RAB3C: variants seen among roughly 807,000 people sequenced by gnomAD.
RAB3C encodes RAB3C, member RAS oncogene family, also known as ras-related protein Rab-3C.
A neutral mutation model predicts 26.4 loss-of-function variants in RAB3C; 17 were observed. That is an observed-to-expected ratio of 0.64 (90% CI 0.44 to 0.97). The LOEUF (loss-of-function observed/expected upper bound fraction) is 0.97. RAB3C is among the 50% of genes least tolerant of loss of function. The probability of loss-of-function intolerance (pLI) is 0.00; values close to 1 mark genes in which losing one functional copy is unlikely to be tolerated. For synonymous variants in RAB3C, 91 were observed against 95.9 expected, an observed-to-expected ratio of 0.95 and a Z score of 0.30; for missense variants, 242 against 281.9, an observed-to-expected ratio of 0.86 and a Z score of 1.01.
chr5:58,728,505 C>T (rs1740935977), intron 3 of RAB3C, among the ~76,000 whole-genome samples: 1 of 152,044 alleles, frequency 6.6e-6, no homozygotes, highest in African/African-American at 2.4e-5. Flanking sequence ...CCACCCTCTA[C>T]AGGTGATCCA....
chr5:58,815,120 AT>A (rs1328910430), intron 3 of RAB3C, among the ~76,000 whole-genome samples: 1 of 152,138 alleles, frequency 6.6e-6, no homozygotes, highest in African/African-American at 2.4e-5. Flanking sequence ...TCCAGGAGAT[AT>A]ATTATTTTCT....
intron 2 of RAB3C, among the ~76,000 whole-genome samples, chr5:58,659,498 G>A (rs1465335540): frequency 2.0e-5 from 3 of 152,018 alleles, no homozygotes. Flanking sequence ...TCACTCATTT[G>A]CCAATGAAAG....
At chr5:58,826,302 A>G (rs957181693) in intron 4 of RAB3C, among the ~76,000 whole-genome samples, 1 of 152,166 alleles carries the variant, frequency 6.6e-6, no homozygotes, top group Non-Finnish European at 1.5e-5. Context: ...AGAATTTGCA[A>G]CTACAAAGGA....
chr5:58,704,374 G>T (rs1374526703), intron 2 of RAB3C, among the ~76,000 whole-genome samples: 1 of 152,252 alleles, frequency 6.6e-6, no homozygotes, highest in Non-Finnish European at 1.5e-5. Flanking sequence ...TTGCCTGCTG[G>T]TGTACTCAGA....
intron 2 of RAB3C, among the ~76,000 whole-genome samples, chr5:58,701,588 G>C (rs1000117973): frequency 6.6e-6 from 1 of 152,036 alleles, no homozygotes; most frequent in African/African-American, 2.4e-5. Context: ...TTATCTTACA[G>C]TTCTGGAAGT....
intron 3 of RAB3C, among the ~76,000 whole-genome samples, chr5:58,755,346 T>C (rs1435491286): frequency 3.3e-5 from 5 of 152,228 alleles, no homozygotes; most frequent in Non-Finnish European, 7.3e-5. Context: ...TGGTGATCTG[T>C]TTTTATTTGA....
At chr5:58,745,899 CTTAA>C (rs766324116) in intron 3 of RAB3C, among the ~76,000 whole-genome samples, 58 of 152,270 alleles carry the variant, frequency 3.8e-4, no homozygotes, top group Non-Finnish European at 1.6e-4. Flanking sequence ...TACTTAGGCA[CTTAA>C]TTAATATTCA....
intron 3 of RAB3C, among the ~76,000 whole-genome samples, chr5:58,744,361 G>A (rs527671118): frequency 1.1e-4 from 16 of 152,336 alleles, no homozygotes; most frequent in East Asian, 9.6e-4. Flanking sequence ...TCTTATTAAT[G>A]GAAGTAGACA....
chr5:58,817,925 A>G (rs1165337368), intron 3 of RAB3C, among the ~76,000 whole-genome samples: 1 of 152,240 alleles, frequency 6.6e-6, no homozygotes, highest in East Asian at 1.9e-4. Flanking sequence ...CAAAGCTCCC[A>G]AATATTAAAA....
At chr5:58,829,583 A>G (rs1267837322) in intron 4 of RAB3C, among the ~76,000 whole-genome samples, 2 of 152,234 alleles carry the variant, frequency 1.3e-5, no homozygotes, top group South Asian at 2.1e-4. Flanking sequence ...CAGAGAAACT[A>G]TAATTGCTTC....
intron 4 of RAB3C, among the ~76,000 whole-genome samples, chr5:58,835,190 C>A (rs946005038): frequency 4.6e-5 from 7 of 152,128 alleles, no homozygotes; most frequent in Non-Finnish European, 1.0e-4. Context: ...TATTTTTTCT[C>A]ACATTCCCCA....
chr5:58,623,875 T>C (rs761141648), intron 2 of RAB3C, among the ~76,000 whole-genome samples: 6 of 152,204 alleles, frequency 3.9e-5, no homozygotes, highest in Non-Finnish European at 7.3e-5. Context: ...ATGTTGTCCC[T>C]GATTCTCACT....
rs1229884837 is a variant in RAB3C at position 58,851,175 on chromosome 5, T to C, written c.508T>C (p.Phe170Leu). ...HLGEQLGFEFFETSAKDNINV... is the reference protein window; with the variant it reads ...HLGEQLGFEFLETSAKDNINV... ...TGTGTTTCTTCCAGGGTTTGAGTTT[T>C]TTGAAACAAGTGCCAAGGACAACAT... Residue 170 changes from phenylalanine (F) to leucine (L), a missense_variant, in exon 5 of 5, where the codon TTT (phenylalanine) becomes CTT (leucine). Coordinates refer to ENST00000282878, the MANE Select transcript of RAB3C (RefSeq NM_138453.4). 1.3e-6 allele frequency: 2 copies of C among 1,592,360 alleles called. No homozygotes were observed. The highest frequency in any genetic ancestry group is 1.7e-6 in the Non-Finnish European group (2 of 1,173,084).
At chr5:58,761,671 C>T (rs558975324) in intron 3 of RAB3C, among the ~76,000 whole-genome samples, 6 of 152,240 alleles carry the variant, frequency 3.9e-5, no homozygotes, top group African/African-American at 1.4e-4. Flanking sequence ...CCAGACTTTG[C>T]TTGCCTTCCA....
chr5:58,833,349 C>CACACACACACAA (rs1176593309), intron 4 of RAB3C, among the ~76,000 whole-genome samples: 25 of 152,016 alleles, frequency 1.6e-4, no homozygotes, highest in African/African-American at 6.0e-4. Flanking sequence ...CACACACACA[C>CACACACACACAA]ACACACACAC....
chr5:58,654,911 TCTGTAGGTGAGAC>T (rs1354802971), intron 2 of RAB3C, among the ~76,000 whole-genome samples: 3 of 152,196 alleles, frequency 2.0e-5, no homozygotes, highest in Non-Finnish European at 2.9e-5. Flanking sequence ...AGCTTATATT[TCTGTAGGTGAGAC>T]AAACAGTAAG....
chr5:58,815,235 G>A (rs1319614187), intron 3 of RAB3C, among the ~76,000 whole-genome samples: 6 of 152,184 alleles, frequency 3.9e-5, no homozygotes, highest in Admixed American at 3.3e-4. Context: ...TTGAAGACAA[G>A]CATTCACAGG....
intron 2 of RAB3C, among the ~76,000 whole-genome samples, chr5:58,673,199 C>T (rs1238735548): frequency 6.6e-6 from 1 of 152,122 alleles, no homozygotes; most frequent in Admixed American, 6.6e-5. Flanking sequence ...AAACCCACAA[C>T]CCTTAAAACA....
In RAB3C at chr5:58,859,093, A is replaced by T. The variant is rs1439393363; in HGVS notation, c.*7742A>T. 6.6e-6 allele frequency: 1 copy of T among 152,206 alleles called. No homozygotes were observed. The highest frequency in any genetic ancestry group is 1.9e-4 in the East Asian group (1 of 5,198). 9.4% of individuals were successfully genotyped at this position (152,206 alleles called of 1,614,324 possible). On this transcript the variant is annotated 3_prime_UTR_variant, in exon 5 of 5. Coordinates refer to ENST00000282878, the MANE Select transcript of RAB3C (RefSeq NM_138453.4). ...ACTGTGGAACTCTTCTTAAGAAAAT[A>T]TTGAAAACAGCTTAATGCTTTCATA...
Sources: gnomAD v4.1 joint callset for allele counts (sites outside exome capture counted in the v4.1 genomes callset) on GRCh38, gnomAD v4.1.1 for gene constraint, MANE v1.5 for transcripts, NCBI Gene and HGNC (gene_info 2026-07-23, HGNC 2026-07-21) for gene names.